ZNF487: variants seen among roughly 807,000 people sequenced by gnomAD.
ZNF487 encodes KRAB domain only 1.
ZNF487 carries 4 observed loss-of-function variants against 3.0 expected under a neutral mutation model. The observed-to-expected ratio is 1.35, with a 90% CI of 0.66 to 3.08. The LOEUF is 3.08. Ranked by LOEUF, ZNF487 falls within the 30% of genes most tolerant of loss-of-function variation. The pLI, the probability that ZNF487 is intolerant of heterozygous loss-of-function variation, is 0.01. For synonymous variants in ZNF487, 55 were observed against 34.6 expected (o/e 1.59, Z -2.06); for missense variants, 146 against 98.7 (o/e 1.48, Z -2.03).
At chr10:43,441,027 T>A (rs1839581773) in intron 1 of ZNF487, among the ~76,000 whole-genome samples, 1 of 133,598 alleles carries the variant, frequency 7.5e-6, no homozygotes, top group Admixed American at 8.2e-5. Context: ...CTACCACACC[T>A]GGTTAAATTT....
chr10:43,448,013 G>A (rs1401193824), intron 1 of ZNF487, among the ~76,000 whole-genome samples: 4 of 111,324 alleles, frequency 3.6e-5, no homozygotes, highest in East Asian at 2.9e-4. Flanking sequence ...TTTTTGAGAC[G>A]GAGTCTCACT....
the ZNF487 span, among the ~76,000 whole-genome samples, chr10:43,508,909 G>A: frequency 1.3e-5 from 2 of 148,594 alleles, no homozygotes; most frequent in East Asian, 4.1e-4. Context: ...ATTAAAACAG[G>A]GCCTTCAAGA....
At chr10:43,456,732 C>T (rs1027048210) in intron 1 of ZNF487, among the ~76,000 whole-genome samples, 2 of 152,096 alleles carry the variant, frequency 1.3e-5, no homozygotes, top group African/African-American at 2.4e-5. Context: ...AGGTGCGCGA[C>T]ACCATGCCCG....
Position 43,437,134 on chromosome 10 carries a change from T to C in ZNF487, c.-222T>C. Reference sequence around the variant, plus strand: ...CCAGGGAGCGCTGCGGCAGTTTCCATGGTGAGATGGTCAACAAGCCTGTAA... The same window carrying C: ...CCAGGGAGCGCTGCGGCAGTTTCCACGGTGAGATGGTCAACAAGCCTGTAA... On this transcript the variant is annotated 5_prime_UTR_variant, in exon 1 of 4. An upstream start codon of the reference 5' UTR is lost. Transcript: ENST00000437590. The C allele has an allele frequency of 3.4e-6, 1 of 297,826 alleles. No homozygotes were observed. Among genetic ancestry groups the C allele is most frequent in the East Asian group, 1.5e-4 (1 of 6,478 alleles). The allele number at this position is 297,826 out of a possible 1,614,324, so 18.4% of individuals were successfully genotyped here. A position where few individuals can be genotyped will look rare whatever the true frequency, so the allele number is the denominator to read the frequency against.
At chr10:43,450,738 T>C (rs1331597249) in intron 1 of ZNF487, among the ~76,000 whole-genome samples, 1 of 152,094 alleles carries the variant, frequency 6.6e-6, no homozygotes. Flanking sequence ...ATAGATCAAG[T>C]ATTTCTGATG....
At chr10:43,508,925 G>T in the ZNF487 span, among the ~76,000 whole-genome samples, 1 of 152,082 alleles carries the variant, frequency 6.6e-6, no homozygotes, top group African/African-American at 2.4e-5. Flanking sequence ...CAAGAATTAA[G>T]GCTGGGCACG....
chr10:43,481,329 T>C (rs1217836586), intron 3 of ZNF487, 100 bp from the exon 4 acceptor site: 2 of 609,036 alleles, frequency 3.3e-6, no homozygotes, highest in Non-Finnish European at 5.7e-6. Flanking sequence ...CCAGACACTG[T>C]GCCAAAAAAA....
At chr10:43,450,376 G>T (rs1325437239) in intron 1 of ZNF487, among the ~76,000 whole-genome samples, 1 of 148,352 alleles carries the variant, frequency 6.7e-6, no homozygotes, top group African/African-American at 2.5e-5. Flanking sequence ...TTTTTGAGAC[G>T]GAGTCTCACT....
At chr10:43,440,335 C>CCACT (rs1483954802) in intron 1 of ZNF487, among the ~76,000 whole-genome samples, 1 of 151,246 alleles carries the variant, frequency 6.6e-6, no homozygotes, top group Non-Finnish European at 1.5e-5. Context: ...CAGGTGTGAA[C>CCACT]CACTGTGCCC....
chr10:43,484,662 C>G (rs1238585924), downstream of ZNF487, among the ~76,000 whole-genome samples: 1 of 151,832 alleles, frequency 6.6e-6, no homozygotes, highest in African/African-American at 2.4e-5. Context: ...CAAGTCTTAT[C>G]AAAAGATTGT....
At chr10:43,465,056 C>CA (rs1314229197) in intron 1 of ZNF487, among the ~76,000 whole-genome samples, 2 of 146,856 alleles carry the variant, frequency 1.4e-5, no homozygotes, top group Non-Finnish European at 3.0e-5. Context: ...GCTGACCCCC[C>CA]CCACCTCCCT....
intron 1 of ZNF487, among the ~76,000 whole-genome samples, chr10:43,469,084 C>T (rs911801576): frequency 4.9e-4 from 75 of 151,822 alleles, no homozygotes; most frequent in Non-Finnish European, 7.9e-4. Flanking sequence ...ATTGCACAGC[C>T]ATCCCAGCCT....
intron 1 of ZNF487, among the ~76,000 whole-genome samples, chr10:43,441,656 G>T (rs750698435): frequency 6.6e-6 from 1 of 151,672 alleles, no homozygotes; most frequent in Non-Finnish European, 1.5e-5. Flanking sequence ...GTGCGATCTC[G>T]GCTCACTGCA....
intron 1 of ZNF487, among the ~76,000 whole-genome samples, chr10:43,461,648 C>T (rs1589036384): frequency 1.3e-5 from 2 of 152,196 alleles, no homozygotes; most frequent in African/African-American, 4.8e-5. Context: ...AATTTTATGC[C>T]TGTTTCAGAA....
the ZNF487 span, among the ~76,000 whole-genome samples, chr10:43,498,075 T>TTATATATATATATATATATATATATATA: frequency 3.4e-4 from 12 of 35,024 alleles, no homozygotes; most frequent in African/African-American, 1.1e-3. Flanking sequence ...ATTTGGTATT[T>TTATATATATATATATATATATATATATA]TATATATATA....
At chr10:43,500,241 C>A in the ZNF487 span, among the ~76,000 whole-genome samples, 1 of 151,940 alleles carries the variant, frequency 6.6e-6, no homozygotes, top group Non-Finnish European at 1.5e-5. Context: ...AACTCCTGAG[C>A]TCAAGTGATC....
At chr10:43,501,817 G>GT in the ZNF487 span, among the ~76,000 whole-genome samples, 1 of 149,692 alleles carries the variant, frequency 6.7e-6, no homozygotes, top group African/African-American at 2.5e-5. Flanking sequence ...ACAGGGTCTT[G>GT]CTCTGCCACT....
intron 3 of ZNF487, among the ~76,000 whole-genome samples, chr10:43,477,821 G>C (rs752853977): frequency 6.6e-6 from 1 of 151,694 alleles, no homozygotes; most frequent in African/African-American, 2.4e-5. Flanking sequence ...GTGTGGTGGC[G>C]GATGCCTGTA....
the ZNF487 span, among the ~76,000 whole-genome samples, chr10:43,493,709 A>AAAAAAAAAATATATATAT: frequency 6.9e-5 from 3 of 43,714 alleles, no homozygotes; most frequent in African/African-American, 1.7e-4. Flanking sequence ...AAAAAAAAAA[A>AAAAAAAAAATATATATAT]ATATATATAT....
Sources: allele counts gnomAD v4.1 joint callset (sites outside exome capture counted in the v4.1 genomes callset), GRCh38; gene constraint gnomAD v4.1.1; transcripts MANE v1.5; gene names NCBI Gene and HGNC (gene_info 2026-07-23, HGNC 2026-07-21).